Variants in PRDM16 observed in about 807,000 individuals in gnomAD.
PRDM16 encodes histone-lysine N-methyltransferase PRDM16.
In PRDM16, 23 loss-of-function variants were observed where a neutral mutation model predicts 110.6. The ratio of observed to expected loss-of-function variants is 0.21; its 90% CI spans 0.15 to 0.29. The LOEUF is 0.29. Among genes scored for constraint, PRDM16 ranks in the 10% least tolerant of loss-of-function variants. PRDM16 has a pLI of 1.00. For missense variants in PRDM16, 1,615 were observed against 1,794.3 expected (o/e 0.90, Z 1.81); for synonymous variants, 799 against 781.8 (o/e 1.02, Z -0.37).
intron 1 of PRDM16, among the ~76,000 whole-genome samples, chr1:3,083,693 T>C (rs1315382881): frequency 6.6e-6 from 1 of 151,780 alleles, no homozygotes; most frequent in East Asian, 1.9e-4. Context: ...TTCCAGGGGG[T>C]TGGGGGTGTT....
rs1194142827 is a variant in PRDM16 at position 3,434,720 on chromosome 1, G to A, written c.*909G>A. On this transcript the variant is annotated 3_prime_UTR_variant, in exon 17 of 17. Transcript: ENST00000270722. ...ACCCAAGATCCCTCAATTATATGGG[G>A]AAGTCGAGGGCCTGTGGCTTGGATC... 4.3e-6 allele frequency: 1 copy of A among 232,628 alleles called. No homozygotes were observed. Among genetic ancestry groups the A allele is most frequent in the East Asian group, 6.1e-5 (1 of 16,512 alleles). The allele number at this position is 232,628 out of a possible 1,614,324, so 14.4% of individuals were successfully genotyped here.
chr1:3,202,389 G>T (rs1420420151), intron 2 of PRDM16, among the ~76,000 whole-genome samples: 1 of 151,720 alleles, frequency 6.6e-6, no homozygotes, highest in Non-Finnish European at 1.5e-5. Context: ...GGGGGAGGCT[G>T]GGGGAACTTG....
At chr1:3,393,051 T>C (rs1165147331) in intron 4 of PRDM16, among the ~76,000 whole-genome samples, 1 of 152,254 alleles carries the variant, frequency 6.6e-6, no homozygotes, top group Non-Finnish European at 1.5e-5. Flanking sequence ...TCCAGTCTGT[T>C]TGGCATCATT....
At chr1:3,360,026 G>C (rs561946835) in intron 3 of PRDM16, among the ~76,000 whole-genome samples, 1 of 140,288 alleles carries the variant, frequency 7.1e-6, no homozygotes, top group East Asian at 1.9e-4. Context: ...ATGCGTTCCC[G>C]TTAGCGGGCC....
intron 3 of PRDM16, among the ~76,000 whole-genome samples, chr1:3,335,440 G>C (rs138795183): frequency 7.0e-4 from 106 of 152,272 alleles, no homozygotes; most frequent in African/African-American, 2.2e-3. Flanking sequence ...TCCTTAGCCC[G>C]GTCGCGTTAG....
Position 3,435,871 on chromosome 1 carries a change from C to T in PRDM16, c.*2060C>T, listed in dbSNP as rs543433366. On this transcript the variant is annotated 3_prime_UTR_variant, in exon 17 of 17. Transcript: ENST00000270722. The stretch of plus-strand genomic sequence containing the variant: ...ATCACAGTGAAAGGGATTCCTCCCA[C>T]GCCAGATCTGCACAACGAGGCAAGA... 4 of 231,910 alleles carry T rather than the reference C, an allele frequency of 1.7e-5. No homozygotes were observed. The highest frequency in any genetic ancestry group is 1.8e-4 in the South Asian group (1 of 5,508). 14.4% of individuals were successfully genotyped at this position (231,910 alleles called of 1,614,324 possible).
At chr1:3,156,243 C>G (rs992439194) in intron 1 of PRDM16, among the ~76,000 whole-genome samples, 2 of 152,174 alleles carry the variant, frequency 1.3e-5, no homozygotes. Context: ...CTGCAGGGCT[C>G]CCGGGCAGCA....
rs1310317748 is a variant in PRDM16 at position 3,378,273 on chromosome 1, GGGCAGCCGGAGGGCCA to G, written c.439-6878_439-6863del. 2.5e-4 allele frequency among the ~76,000 whole-genome samples: 38 copies of G among 152,324 alleles called. 1 individual carries two copies. Among genetic ancestry groups the G allele is most frequent in the Non-Finnish European group, 5.9e-5 (4 of 68,010 alleles). On this transcript the variant is annotated intron_variant, in intron 3 of 16. Transcript: ENST00000270722. The stretch of plus-strand genomic sequence containing the variant: ...GGGAGGCCCTGGTCAGATGCAACTT[GGGCAGCCGGAGGGCCA>G]CCAAGCTGGGGAGTGGTGGCCTCTC...
intron 12 of PRDM16, among the ~76,000 whole-genome samples, chr1:3,422,497 C>T (rs561805103): frequency 1.3e-5 from 2 of 152,240 alleles, no homozygotes; most frequent in South Asian, 2.1e-4. Context: ...CTGGCAGGTG[C>T]TTTGCATCCG....
chr1:3,392,068 TAAAACC>T (rs1643309696), intron 4 of PRDM16, among the ~76,000 whole-genome samples: 1 of 152,198 alleles, frequency 6.6e-6, no homozygotes, highest in African/African-American at 2.4e-5. Context: ...CCACCTCCGC[TAAAACC>T]AAAATGCAGG....
At chr1:3,321,388 CTG>C (rs1491061155) in intron 3 of PRDM16, among the ~76,000 whole-genome samples, 3 of 150,734 alleles carry the variant, frequency 2.0e-5, no homozygotes, top group Non-Finnish European at 1.5e-5. Context: ...GTGTGGGTCT[CTG>C]TGAGTGTGTG....
At chr1:3,263,268 TCTCCC>T (rs1271574519) in intron 3 of PRDM16, among the ~76,000 whole-genome samples, 3 of 152,198 alleles carry the variant, frequency 2.0e-5, no homozygotes, top group Non-Finnish European at 2.9e-5. Context: ...TGTCTAAGGC[TCTCCC>T]CGCCCCGCCC....
chr1:3,330,711 T>TG (rs1203516386), intron 3 of PRDM16, among the ~76,000 whole-genome samples: 1 of 152,132 alleles, frequency 6.6e-6, no homozygotes. Flanking sequence ...GAGAGGTTGT[T>TG]GGGGAGGGTG....
At position 3,411,744 on chromosome 1, in the gene PRDM16, G is replaced by T. The variant is rs776701724; in HGVS notation, c.1547G>T (p.Gly516Val). 6.2e-7 allele frequency: 1 copy of T among 1,611,532 alleles called. No individual in the cohort carries two copies. Among genetic ancestry groups the T allele is most frequent in the African/African-American group, 1.3e-5 (1 of 74,868 alleles). Residue 516 changes from glycine (G) to valine (V), a missense_variant, in exon 9 of 17, where the codon GGC becomes GTC. This residue lies in a region of PRDM16 where 772 missense variants were observed against 748.3 expected (regional missense o/e 1.03). Transcript: ENST00000270722. ...CCCGCACTCACCCCCGGCTTCCCGG[G>T]CATCTTCCCTCCATCCTTGTACCCC... ...TFPALTPGFP[G>V]IFPPSLYPRP...
At chr1:3,416,836 CAG>C (rs1409116468) in intron 10 of PRDM16, among the ~76,000 whole-genome samples, 1 of 152,232 alleles carries the variant, frequency 6.6e-6, no homozygotes, top group Non-Finnish European at 1.5e-5. Flanking sequence ...TGCTACCCCT[CAG>C]GGGATGATGA....
chr1:3,181,097 CG>C (rs1644157104), intron 1 of PRDM16, among the ~76,000 whole-genome samples: 3 of 22,770 alleles, frequency 1.3e-4, no homozygotes, highest in Non-Finnish European at 6.6e-4. Context: ...GCCTTACACA[CG>C]CAGTCTTACA....
At position 3,260,218 on chromosome 1, in the gene PRDM16, G is replaced by T. The variant is rs561865547; in HGVS notation, c.438+16081G>T. On this transcript the variant is annotated intron_variant, in intron 3 of 16. Transcript: ENST00000270722. The stretch of plus-strand genomic sequence containing the variant: ...TGATTGTCTGGATTCCTGTGGTTCT[G>T]GGGGGCCAGGCCCCAAGGACAGCTC... Among the ~76,000 whole-genome samples the T allele has an allele frequency of 4.0e-4, 61 of 152,344 alleles. No individual in the cohort carries two copies. In the South Asian group the frequency reaches 0.013, roughly 32 times the overall value.
At chr1:3,345,316 C>T (rs182192119) in intron 3 of PRDM16, among the ~76,000 whole-genome samples, 176 of 152,270 alleles carry the variant, frequency 1.2e-3, no homozygotes, top group African/African-American at 4.1e-3. Flanking sequence ...TTGTTATCTG[C>T]AGGAGAGTAC....
At chr1:3,409,948 G>A (rs1260685136) in intron 8 of PRDM16, among the ~76,000 whole-genome samples, 2 of 127,650 alleles carry the variant, frequency 1.6e-5, no homozygotes, top group Non-Finnish European at 3.3e-5. Flanking sequence ...TGGTGTGGGT[G>A]TGTGTGCGTG....
Sources: gnomAD v4.1 joint callset for allele counts (sites outside exome capture counted in the v4.1 genomes callset) on GRCh38, gnomAD v4.1.1 for gene constraint, gnomAD v4.1.1 regional missense constraint, MANE v1.5 for transcripts, NCBI Gene and HGNC (gene_info 2026-07-23, HGNC 2026-07-21) for gene names.